Variants in ABCB5 observed in about 807,000 individuals in gnomAD.
ABCB5 encodes ATP binding cassette subfamily B member 5.
Under a neutral mutation model 144.2 loss-of-function variants are expected in ABCB5, and 155 were observed. The observed-to-expected ratio is 1.08, with a 90% CI of 0.94 to 1.23. The LOEUF (loss-of-function observed/expected upper bound fraction) is 1.23. ABCB5 is among the 50% of genes most tolerant of loss of function. The probability of loss-of-function intolerance (pLI) is 0.00; values close to 1 mark genes in which losing one functional copy is unlikely to be tolerated. For missense variants in ABCB5, 1,830 were observed against 1,520.8 expected, an observed-to-expected ratio of 1.20 and a Z score of -3.38; for synonymous variants, 610 against 528.6, an observed-to-expected ratio of 1.15 and a Z score of -2.11.
chr7:20,633,170 T>C (rs1366125984), intron 5 of ABCB5, among the ~76,000 whole-genome samples: 1 of 152,084 alleles, frequency 6.6e-6, no homozygotes, highest in East Asian at 1.9e-4. Context: ...TATGGTAAAG[T>C]TGTATCCAAA....
chr7:20,741,939 G>A (rs1336168572), intron 24 of ABCB5, among the ~76,000 whole-genome samples: 1 of 152,224 alleles, frequency 6.6e-6, no homozygotes, highest in Non-Finnish European at 1.5e-5. Context: ...TAATCATTTA[G>A]TGATAGTTCT....
At chr7:20,683,495 C>T (rs572209304) in intron 15 of ABCB5, among the ~76,000 whole-genome samples, 25 of 152,216 alleles carry the variant, frequency 1.6e-4, no homozygotes, top group African/African-American at 5.3e-4. Flanking sequence ...ATAGTCAGAT[C>T]TTTCTTTGGA....
chr7:20,678,269 T>A (rs1785677747), intron 14 of ABCB5, among the ~76,000 whole-genome samples: 1 of 152,188 alleles, frequency 6.6e-6, no homozygotes, highest in African/African-American at 2.4e-5. Context: ...TAATAGCCAA[T>A]GCTTTGGGAG....
Position 20,728,430 on chromosome 7 carries a change from C to T in ABCB5, c.2842C>T (p.Arg948Ter), listed in dbSNP as rs1158560751. ...RFGAYLIQAGRMTPEGMFIVF... is the reference protein window; with the variant it reads ...RFGAYLIQAG ...TGGAGCCTATTTAATTCAAGCTGGA[C>T]GAATGACCCCAGAGGGCATGTTCAT... Residue 948 changes from arginine (R) to a stop codon, truncating the protein, a stop_gained, in exon 23 of 28, where the codon CGA becomes TGA. Coordinates refer to ENST00000404938, the MANE Select transcript of ABCB5 (RefSeq NM_001163941.2). LOFTEE classifies it high-confidence loss of function. 9.9e-6 allele frequency: 16 copies of T among 1,613,962 alleles called. No individual in the cohort carries two copies. The highest frequency in any genetic ancestry group is 1.2e-5 in the Non-Finnish European group (14 of 1,180,000).
At chr7:20,747,377 T>A (rs1213679205) in intron 26 of ABCB5, among the ~76,000 whole-genome samples, 1 of 152,114 alleles carries the variant, frequency 6.6e-6, no homozygotes, top group African/African-American at 2.4e-5. Flanking sequence ...CTCACCTGAG[T>A]CTCCCGAATA....
rs904332096 is a variant in ABCB5, at chr7:20,633,646, G to T, written c.314+1533G>T. ...TTCAGTATCTTTCTTCTAGCTATTTGAAATCATGTAATATATTATTGTTAA... is the reference window on the plus strand; with the variant it reads ...TTCAGTATCTTTCTTCTAGCTATTTTAAATCATGTAATATATTATTGTTAA... On this transcript the variant is annotated intron_variant, in intron 5 of 27. Coordinates refer to ENST00000404938, the MANE Select transcript of ABCB5 (RefSeq NM_001163941.2). Among the ~76,000 whole-genome samples the T allele has an allele frequency of 3.3e-5, 5 of 152,124 alleles. No individual in the cohort carries two copies. The East Asian group carries it at 9.6e-4, about 29-fold the overall frequency.
At chr7:20,702,887 A>G (rs2128043996) in intron 19 of ABCB5, among the ~76,000 whole-genome samples, 1 of 147,402 alleles carries the variant, frequency 6.8e-6, no homozygotes, top group East Asian at 2.0e-4. Flanking sequence ...CATGTTAGCC[A>G]AGATGGTCTC....
chr7:20,727,814 C>G lies in ABCB5; in HGVS notation c.2727-501C>G, dbSNP rs564469517. 2.6e-5 allele frequency among the ~76,000 whole-genome samples: 4 copies of G among 152,260 alleles called. No homozygotes were observed. In the East Asian group the frequency reaches 7.7e-4, roughly 29 times the overall value. The stretch of plus-strand genomic sequence containing the variant: ...TATATACATAATAAATGCACTTACA[C>G]TTTTAATTTTAAACTAGTCCTCCTT... On this transcript the variant is annotated intron_variant, in intron 22 of 27. Transcript: ENST00000404938.
rs553339907 is a variant in ABCB5, at chr7:20,712,527, G to C, written c.2421+7720G>C. On this transcript the variant is annotated intron_variant, in intron 20 of 27. Transcript: ENST00000404938. ...TTCTACATATATTAGGCTGCCTGAA[G>C]TTTTACCACATCTCAGCAATGCTTT... is the stretch of plus-strand genomic sequence containing the variant. 3.3e-4 allele frequency among the ~76,000 whole-genome samples: 50 copies of C among 149,438 alleles called. 1 individual carries two copies. Among genetic ancestry groups the C allele is most frequent in the Non-Finnish European group, 5.7e-4 (38 of 67,210 alleles).
chr7:20,664,949 A>C (rs1297763695), intron 14 of ABCB5, among the ~76,000 whole-genome samples: 1 of 152,214 alleles, frequency 6.6e-6, no homozygotes, highest in Non-Finnish European at 1.5e-5. Flanking sequence ...ATGATTTTTT[A>C]AAAGTTCAAT....
At chr7:20,718,509 T>C (rs954389082) in intron 20 of ABCB5, among the ~76,000 whole-genome samples, 1 of 152,210 alleles carries the variant, frequency 6.6e-6, no homozygotes, top group African/African-American at 2.4e-5. Context: ...TTTTTGAAAT[T>C]TCCTTAGATG....
At chr7:20,676,554 G>T (rs147443402) in intron 14 of ABCB5, among the ~76,000 whole-genome samples, 2 of 152,300 alleles carry the variant, frequency 1.3e-5, no homozygotes, top group East Asian at 3.9e-4. Flanking sequence ...CAGACTTGTA[G>T]ATGCAGACAA....
At chr7:20,726,313 C>G (rs1199251480) in intron 21 of ABCB5, among the ~76,000 whole-genome samples, 1 of 134,164 alleles carries the variant, frequency 7.5e-6, no homozygotes. Flanking sequence ...ATTTTTAATT[C>G]TTTGCTAGAA....
Position 20,676,161 on chromosome 7 carries a change from T to TACACACAC in ABCB5, c.1708-5339_1708-5338insCACACACA, listed in dbSNP as rs775236941. On this transcript the variant is annotated intron_variant, in intron 14 of 27. Coordinates refer to ENST00000404938, the MANE Select transcript of ABCB5 (RefSeq NM_001163941.2). Reference sequence around the variant, plus strand: ...TTACCATGTGACCCAGCAATTCTACTACACATACACACACACACACACACA... The same window carrying TACACACAC: ...TTACCATGTGACCCAGCAATTCTACTACACACACACACATACACACACACACACACACA... 3.1e-5 allele frequency among the ~76,000 whole-genome samples: 3 copies of TACACACAC among 95,860 alleles called. No homozygotes were observed. The South Asian group carries it at 1.0e-3, about 33-fold the overall frequency. The allele number at this position is 95,860 out of a possible 152,430, so 62.9% of individuals were successfully genotyped here.
rs188703552 is a variant in ABCB5 at position 20,697,271 on chromosome 7, C to T, written c.2011-1136C>T. 3.2e-3 allele frequency among the ~76,000 whole-genome samples: 487 copies of T among 152,254 alleles called. 7 individuals are homozygous for T. The highest frequency in any genetic ancestry group is 0.029 in the Admixed American group (445 of 15,286). On this transcript the variant is annotated intron_variant, in intron 16 of 27. Coordinates refer to ENST00000404938, the MANE Select transcript of ABCB5 (RefSeq NM_001163941.2). ...TTTCAAAGTTCTGTTGTCCAAACAA[C>T]AGTCCGCATTATAGTGGCCACACTG...
At chr7:20,737,475 T>C (rs115860675) in intron 23 of ABCB5, among the ~76,000 whole-genome samples, 504 of 152,356 alleles carry the variant, frequency 3.3e-3, no homozygotes, top group African/African-American at 0.012. Flanking sequence ...CAGAGGGACC[T>C]AACAAGGATG....
At position 20,623,408 on chromosome 7, in the gene ABCB5, T is replaced by G. The variant is rs60463597; in HGVS notation, c.53+70T>G. Reference sequence around the variant, plus strand: ...ATATAACTCATCCTTTCCACACCTATAGCAAAAATGTTTATAATTTTTTCC... The same window carrying G: ...ATATAACTCATCCTTTCCACACCTAGAGCAAAAATGTTTATAATTTTTTCC... On this transcript the variant is annotated intron_variant, in intron 2 of 27. Coordinates refer to ENST00000404938, the MANE Select transcript of ABCB5 (RefSeq NM_001163941.2). 3,450 of 1,239,914 alleles carry G rather than the reference T, an allele frequency of 2.8e-3. 65 individuals are homozygous for G. In the African/African-American group the frequency reaches 0.042, roughly 15 times the overall value. 76.8% of individuals were successfully genotyped at this position (1,239,914 alleles called of 1,614,324 possible).
intron 16 of ABCB5, among the ~76,000 whole-genome samples, chr7:20,691,987 C>G (rs943246908): frequency 2.6e-5 from 4 of 152,066 alleles, no homozygotes; most frequent in African/African-American, 9.7e-5. Flanking sequence ...AAATGGCACA[C>G]TTAGTAGAGT....
At chr7:20,691,146 AAC>A (rs940126242) in intron 16 of ABCB5, among the ~76,000 whole-genome samples, 1 of 145,762 alleles carries the variant, frequency 6.9e-6, no homozygotes, top group Admixed American at 7.0e-5. Context: ...CTAGAGGGAA[AAC>A]ACAGACAAAA....
Sources: gnomAD v4.1 joint callset for allele counts (sites outside exome capture counted in the v4.1 genomes callset) on GRCh38, gnomAD v4.1.1 for gene constraint, MANE v1.5 for transcripts, NCBI Gene and HGNC (gene_info 2026-07-23, HGNC 2026-07-21) for gene names.